SNTG1: variants seen among roughly 807,000 people sequenced by gnomAD.
SNTG1 encodes the protein gamma-1-syntrophin.
A neutral mutation model predicts 74.7 loss-of-function variants in SNTG1; 39 were observed. That is an observed-to-expected ratio of 0.52 (90% confidence interval 0.40 to 0.68). The LOEUF (loss-of-function observed/expected upper bound fraction) is 0.68, where lower values mean the gene tolerates loss of function less well. Among genes scored for constraint, SNTG1 ranks in the 30% least tolerant of loss-of-function variants. SNTG1 has a pLI of 0.00. For missense variants in SNTG1, 685 were observed against 609.5 expected (o/e 1.12, Z -1.30); for synonymous variants, 254 against 217.1 (o/e 1.17, Z -1.49).
At chr8:50,687,140 T>A (rs2095355951) in intron 15 of SNTG1, among the ~76,000 whole-genome samples, 1 of 97,234 alleles carries the variant, frequency 1.0e-5, no homozygotes, top group South Asian at 3.5e-4. Context: ...AGACTCCGTC[T>A]CAAAAAAAAA....
intron 11 of SNTG1, among the ~76,000 whole-genome samples, chr8:50,542,007 T>C (rs75314569): frequency 7.9e-6 from 1 of 125,982 alleles, no homozygotes; most frequent in Non-Finnish European, 1.6e-5. Flanking sequence ...TTTCATTTTG[T>C]TTTTCATGGA....
chr8:50,085,069 T>C lies in SNTG1; in HGVS notation c.-102-87492T>C, dbSNP rs545745260. ...TTAAGTGCACTCTTAAGTTAGATGA[T>C]GCAAGAGCAGGAAGCTGGTATGCTT... On this transcript the variant is annotated intron_variant, in intron 1 of 18. Transcript: ENST00000642720. Among the ~76,000 whole-genome samples, 3 of 152,374 alleles carry C rather than the reference T, an allele frequency of 2.0e-5. No individual in the cohort carries two copies. The South Asian group carries it at 6.2e-4, about 32-fold the overall frequency.
intron 17 of SNTG1, among the ~76,000 whole-genome samples, chr8:50,730,101 T>A (rs1039236420): frequency 6.6e-6 from 1 of 152,008 alleles, no homozygotes; most frequent in Non-Finnish European, 1.5e-5. Context: ...AAGAAAAAAA[T>A]TTCAATCCAG....
intron 1 of SNTG1, among the ~76,000 whole-genome samples, chr8:49,960,733 G>T (rs2015043): frequency 0.64 from 97,475 of 151,926 alleles, 35,350 homozygotes; most frequent in East Asian, 0.86. Flanking sequence ...AAAAGATCTG[G>T]GTCTTGTTCC....
chr8:50,072,953 T>C (rs190096952), intron 1 of SNTG1, among the ~76,000 whole-genome samples: 1 of 152,338 alleles, frequency 6.6e-6, no homozygotes, highest in Non-Finnish European at 1.5e-5. Flanking sequence ...CAGTGAGTTA[T>C]AACATTTATA....
chr8:49,912,818 T>C (rs1210469546), intron 1 of SNTG1, among the ~76,000 whole-genome samples: 3 of 152,208 alleles, frequency 2.0e-5, no homozygotes, highest in Non-Finnish European at 4.4e-5. Context: ...AAGCTCAAGA[T>C]TGCTTTCTCA....
chr8:50,694,619 C>G (rs1055952536), intron 15 of SNTG1, among the ~76,000 whole-genome samples: 1 of 151,992 alleles, frequency 6.6e-6, no homozygotes, highest in Non-Finnish European at 1.5e-5. Context: ...AAGGCAAAGA[C>G]ATCATAAGAA....
intron 8 of SNTG1, among the ~76,000 whole-genome samples, chr8:50,464,346 T>G (rs1018986518): frequency 6.6e-6 from 1 of 152,156 alleles, no homozygotes; most frequent in African/African-American, 2.4e-5. Context: ...CCTTCCTCAC[T>G]AAGTTTAATA....
chr8:50,147,815 T>C (rs1046384579), intron 1 of SNTG1, among the ~76,000 whole-genome samples: 4 of 152,246 alleles, frequency 2.6e-5, no homozygotes, highest in Non-Finnish European at 4.4e-5. Context: ...AGAAGCACTG[T>C]AATTCCAGTA....
At chr8:50,751,953 G>A (rs2095568375) in intron 17 of SNTG1, 48 bp from the exon 18 acceptor site, 2 of 1,113,092 alleles carry the variant, frequency 1.8e-6, no homozygotes, top group Non-Finnish European at 2.5e-6. Context: ...TGATTTGAAA[G>A]CAGATATTAA....
rs2095695310 is a variant in SNTG1 at position 50,792,874 on chromosome 8, G to A, written c.*45G>A. 6 of 1,541,556 alleles carry A rather than the reference G, an allele frequency of 3.9e-6. No individual in the cohort carries two copies. Among genetic ancestry groups the A allele is most frequent in the Non-Finnish European group, 5.3e-6 (6 of 1,140,968 alleles). On this transcript the variant is annotated 3_prime_UTR_variant, in exon 19 of 19. Transcript: ENST00000642720. ...ACACACCCCATGACTGTATAAGCAG[G>A]ACACATTTACTCATCATTTTAGACC...
chr8:50,029,342 A>G (rs1817548927), intron 1 of SNTG1, among the ~76,000 whole-genome samples: 1 of 152,118 alleles, frequency 6.6e-6, no homozygotes, highest in Non-Finnish European at 1.5e-5. Context: ...TCTTTGTGTT[A>G]GAATCATTTC....
intron 2 of SNTG1, among the ~76,000 whole-genome samples, chr8:50,255,046 A>T (rs1473122693): frequency 5.4e-5 from 8 of 147,984 alleles, no homozygotes; most frequent in Non-Finnish European, 1.2e-4. Flanking sequence ...CCTTTCTGAA[A>T]GTATTTATCA....
chr8:50,518,011 T>G (rs1428681225), intron 9 of SNTG1, among the ~76,000 whole-genome samples: 4 of 152,074 alleles, frequency 2.6e-5, no homozygotes, highest in African/African-American at 9.6e-5. Flanking sequence ...ACATTCTTCT[T>G]AGCACCACAT....
chr8:50,166,064 C>T (rs1417136521), intron 1 of SNTG1, among the ~76,000 whole-genome samples: 4 of 115,596 alleles, frequency 3.5e-5, no homozygotes, highest in African/African-American at 1.0e-4. Flanking sequence ...AACTGGCTAG[C>T]CATATGTAGA....
At chr8:50,218,910 C>CCT (rs2084922735) in intron 2 of SNTG1, among the ~76,000 whole-genome samples, 2 of 152,176 alleles carry the variant, frequency 1.3e-5, no homozygotes, top group African/African-American at 4.8e-5. Context: ...GGGCTCACAG[C>CCT]CTCCTTGATC....
intron 8 of SNTG1, among the ~76,000 whole-genome samples, chr8:50,475,921 C>T (rs969199602): frequency 1.3e-5 from 2 of 152,156 alleles, no homozygotes; most frequent in African/African-American, 2.4e-5. Context: ...GGTACAAAAA[C>T]GTGAAGTGGA....
chr8:50,298,337 T>C (rs2089486841), intron 2 of SNTG1, among the ~76,000 whole-genome samples: 1 of 152,122 alleles, frequency 6.6e-6, no homozygotes. Flanking sequence ...CTGGAGAGTA[T>C]ATTTATATTC....
At chr8:50,335,406 A>G (rs1344225117) in intron 2 of SNTG1, among the ~76,000 whole-genome samples, 3 of 152,146 alleles carry the variant, frequency 2.0e-5, no homozygotes, top group African/African-American at 2.4e-5. Flanking sequence ...CTCCGGAGAA[A>G]TATCTGCTTC....
Sources: gnomAD v4.1 joint callset for allele counts (sites outside exome capture counted in the v4.1 genomes callset) on GRCh38, gnomAD v4.1.1 for gene constraint, MANE v1.5 for transcripts, NCBI Gene and HGNC (gene_info 2026-07-23, HGNC 2026-07-21) for gene names.